Variants in MTMR4 observed in about 807,000 individuals in gnomAD.
MTMR4 encodes the protein myotubularin related protein 4.
Under a neutral mutation model 125.5 loss-of-function variants are expected in MTMR4, and 30 were observed. That is an observed-to-expected ratio of 0.24 (90% confidence interval 0.18 to 0.32). The LOEUF (loss-of-function observed/expected upper bound fraction) is 0.32, where lower values mean the gene tolerates loss of function less well. Ranked by LOEUF, MTMR4 falls within the 10% of genes least tolerant of loss-of-function variation. The pLI, the probability that MTMR4 is intolerant of heterozygous loss-of-function variation, is 1.00. For missense variants in MTMR4, 1,039 were observed against 1,511.5 expected (o/e 0.69, Z 5.18); for synonymous variants, 498 against 564.5 (o/e 0.88, Z 1.67).
At chr17:58,514,703 C>T, upstream of MTMR4, 1 of 977,688 alleles carries the variant, frequency 1.0e-6, no homozygotes, top group Non-Finnish European at 1.2e-6. Flanking sequence ...GGCGGCTCCG[C>T]GGGCCCCGCC....
In MTMR4 at chr17:58,492,824, A is replaced by G. The variant is rs1245898939; in HGVS notation, c.3363+18T>C. On this transcript the variant is annotated intron_variant, in intron 16 of 17. Transcript: ENST00000682306. ...ACTGGCTCACGTAAGTACCCACCAC[A>G]TATGTGCCTAAACATACCTCAGTCT... 6.2e-7 allele frequency: 1 copy of G among 1,603,290 alleles called. No homozygotes were observed. Among genetic ancestry groups the G allele is most frequent in the East Asian group, 2.2e-5 (1 of 44,822 alleles).
chr17:58,517,088 T>C (rs567860082), upstream of MTMR4, among the ~76,000 whole-genome samples: 2 of 152,328 alleles, frequency 1.3e-5, no homozygotes, highest in South Asian at 4.1e-4. Context: ...CCACCTGACC[T>C]GTTTACTGGG....
At chr17:58,501,687 C>T (rs923071259) in intron 14 of MTMR4, among the ~76,000 whole-genome samples, 7 of 150,826 alleles carry the variant, frequency 4.6e-5, no homozygotes, top group Admixed American at 2.6e-4. Context: ...TATATATACG[C>T]GTATATATGT....
At position 58,495,265 on chromosome 17, in the gene MTMR4, C is replaced by T. The variant is rs1459966935; in HGVS notation, c.2919G>A (p.Val973=). The change falls in exon 15 of 18, where the codon GTG becomes GTA. Residue 973 remains valine, a synonymous_variant. Transcript: ENST00000682306. The stretch of plus-strand genomic sequence containing the variant: ...AATGACTAGAACAGACAGGTGACTT[C>T]ACACCTTCTCTCTGAGCCCACTGGC... ...FGGQWAQREG[V]KSPVCSSHSN... is the part of the protein sequence containing the mutation. The T allele has an allele frequency of 1.2e-6, 2 of 1,614,072 alleles. No individual in the cohort carries two copies. Among genetic ancestry groups the T allele is most frequent in the Admixed American group, 3.3e-5 (2 of 60,010 alleles).
At chr17:58,515,761 C>T (rs1976071581), upstream of MTMR4, among the ~76,000 whole-genome samples, 2 of 152,130 alleles carry the variant, frequency 1.3e-5, no homozygotes, top group African/African-American at 4.8e-5. Flanking sequence ...AGTGCACACA[C>T]CAAATCCACA....
At chr17:58,515,311 G>A (rs1429703367), upstream of MTMR4, among the ~76,000 whole-genome samples, 4 of 152,214 alleles carry the variant, frequency 2.6e-5, no homozygotes, top group African/African-American at 7.2e-5. Flanking sequence ...GAGTTGGGTA[G>A]AGGGCCAAGG....
chr17:58,504,986 C>A lies in MTMR4; in HGVS notation c.1146-12G>T. 2 of 1,588,500 alleles carry A rather than the reference C, an allele frequency of 1.3e-6. No individual in the cohort carries two copies. The highest frequency in any genetic ancestry group is 8.6e-7 in the Non-Finnish European group (1 of 1,165,212). On this transcript the variant is annotated splice_polypyrimidine_tract_variant and intron_variant, in intron 10 of 17. Coordinates refer to ENST00000682306, the MANE Select transcript of MTMR4 (RefSeq NM_001378067.1). The surrounding 1 kb of genome is among the most constrained non-coding windows in gnomAD (Gnocchi z 7.1). ...GTGCCGACAACCAGCTACACAAAAGCAGACATCAAGTCGGTCACAAAGGGT... is the reference window on the plus strand; with the variant it reads ...GTGCCGACAACCAGCTACACAAAAGAAGACATCAAGTCGGTCACAAAGGGT...
Position 58,512,833 on chromosome 17 carries a change from G to A in MTMR4, c.135+19C>T. ...TGGGCAGGGAGCCCCATCTATCCTG[G>A]CCCCCAACTCCTCCTTACCTGAAGA... On this transcript the variant is annotated intron_variant, in intron 2 of 17. Coordinates refer to ENST00000682306, the MANE Select transcript of MTMR4 (RefSeq NM_001378067.1). The surrounding 1 kb of genome is among the most constrained non-coding windows in gnomAD (Gnocchi z 4.1). 1 of 1,602,206 alleles carries A rather than the reference G, an allele frequency of 6.2e-7. No homozygotes were observed. The highest frequency in any genetic ancestry group is 2.2e-5 in the East Asian group (1 of 44,774).
At chr17:58,516,552 A>G (rs1976089837), upstream of MTMR4, 2 of 1,613,728 alleles carry the variant, frequency 1.2e-6, no homozygotes, top group Non-Finnish European at 1.7e-6. Context: ...AGAAAACACA[A>G]TGGCCTGAGG....
In MTMR4 at chr17:58,512,703, T is replaced by C. The variant is rs149057509; in HGVS notation, c.135+149A>G. The C allele has an allele frequency of 1.1e-4, 85 of 783,974 alleles. No homozygotes were observed. In the Middle Eastern group the frequency reaches 1.8e-3, roughly 17 times the overall value. The allele number at this position is 783,974 out of a possible 1,614,324, so 48.6% of individuals were successfully genotyped here. A position where few individuals can be genotyped will look rare whatever the true frequency, so the allele number is the denominator to read the frequency against. On this transcript the variant is annotated intron_variant, in intron 2 of 17. Coordinates refer to ENST00000682306, the MANE Select transcript of MTMR4 (RefSeq NM_001378067.1). This position sits in a 1 kb window ranked among gnomAD's most constrained non-coding sequence, Gnocchi z 4.1. The stretch of plus-strand genomic sequence containing the variant: ...TTCCCTGCGGCCAAAGGCTCCAGGA[T>C]GCGCAGACAAACCCTCCTCCTCCAG...
Position 58,512,803 on chromosome 17 carries a change from T to C in MTMR4, c.135+49A>G, listed in dbSNP as rs201086608. 3.5e-5 allele frequency: 53 copies of C among 1,529,662 alleles called. No individual in the cohort carries two copies. The highest frequency in any genetic ancestry group is 4.7e-5 in the Non-Finnish European group (52 of 1,108,854). 94.8% of individuals were successfully genotyped at this position (1,529,662 alleles called of 1,614,324 possible). Reference sequence around the variant, plus strand: ...TTTTTGGGAGAAGGGAGGGTGTTTTTTAACTGGGCAGGGAGCCCCATCTAT... The same window carrying C: ...TTTTTGGGAGAAGGGAGGGTGTTTTCTAACTGGGCAGGGAGCCCCATCTAT... On this transcript the variant is annotated intron_variant, in intron 2 of 17. Transcript: ENST00000682306. The surrounding 1 kb of genome is among the most constrained non-coding windows in gnomAD (Gnocchi z 4.1).
At position 58,495,134 on chromosome 17, in the gene MTMR4, G is replaced by A; in HGVS notation, c.3050C>T (p.Pro1017Leu). 1 of 1,614,248 alleles carries A rather than the reference G, an allele frequency of 6.2e-7. No homozygotes were observed. Among genetic ancestry groups the A allele is most frequent in the Non-Finnish European group, 8.5e-7 (1 of 1,180,044 alleles). ...ATCATCCAAATACAGAGGAGGCACT[G>A]GAGAAGGGCAGTTCAGTGGAACGGG... Reference protein sequence around the residue: ...TKPVPLNCPSPVPPLYLDDDG... With the variant: ...TKPVPLNCPSLVPPLYLDDDG... The change falls in exon 15 of 18, where the codon CCA (proline) becomes CTA (leucine). Residue 1017 changes from proline to leucine, a missense_variant. Pro to Leu is a moderately conservative substitution (Grantham distance 98). Coordinates refer to ENST00000682306, the MANE Select transcript of MTMR4 (RefSeq NM_001378067.1).
rs1455376420 is a variant in MTMR4 at position 58,496,275 on chromosome 17, G to A, written c.1909C>T (p.Pro637Ser). 1 of 1,613,496 alleles carries A rather than the reference G, an allele frequency of 6.2e-7. No individual in the cohort carries two copies. The highest frequency in any genetic ancestry group is 8.5e-7 in the Non-Finnish European group (1 of 1,179,772). ...GGGTCACTGGATGTACGAGTCAGGG[G>A]GCTGCTTGTGTCACAGGCAGAAAGA... ...DLLSACDTSSPLTRTSSDPNL... is the reference protein window; with the variant it reads ...DLLSACDTSSSLTRTSSDPNL... Residue 637 changes from proline (P) to serine (S), a missense_variant, in exon 15 of 18, where the codon CCC (proline) becomes TCC (serine). Pro to Ser is a moderately conservative substitution (Grantham distance 74). Transcript: ENST00000682306.
At chr17:58,514,931 G>T, upstream of MTMR4, 1 of 868,624 alleles carries the variant, frequency 1.2e-6, no homozygotes, top group Non-Finnish European at 1.4e-6. Context: ...GGATCCCAAG[G>T]TGGAGCTCAC....
chr17:58,513,005 C>G, intron 1 of MTMR4, 64 bp from the exon 2 acceptor site: 1 of 1,170,288 alleles, frequency 8.5e-7, no homozygotes, highest in South Asian at 1.3e-5. Flanking sequence ...CATTCTGCTC[C>G]TCTCCCCACC....
At chr17:58,514,694 G>A (rs1487375809), upstream of MTMR4, 3 of 982,488 alleles carry the variant, frequency 3.1e-6, no homozygotes, top group Non-Finnish European at 3.6e-6. Context: ...TAGAGGCGGG[G>A]CGGCTCCGCG....
rs1466674534 is a variant in MTMR4 at position 58,496,219 on chromosome 17, C to G, written c.1965G>C (p.Arg655Ser). The change falls in exon 15 of 18, where the codon AGG becomes AGC. Residue 655 changes from arginine to serine, a missense_variant. This residue lies in a region of MTMR4 where 619 missense variants were observed against 714.5 expected (regional missense o/e 0.87). Transcript: ENST00000682306. The part of the protein sequence containing the change: ...PNLNNHCQEV[R>S]VGLEPWHSNP... ...TGCTGTGCCAGGGCTCCAGGCCTACCCTGACCTCCTGACAGTGGTTATTCA... is the reference window on the plus strand; with the variant it reads ...TGCTGTGCCAGGGCTCCAGGCCTACGCTGACCTCCTGACAGTGGTTATTCA... 2.5e-6 allele frequency: 4 copies of G among 1,614,002 alleles called. No homozygotes were observed. Among genetic ancestry groups the G allele is most frequent in the Non-Finnish European group, 3.4e-6 (4 of 1,180,046 alleles).
intron 9 of MTMR4, among the ~76,000 whole-genome samples, chr17:58,506,447 C>T (rs1975780866): frequency 6.6e-6 from 1 of 152,222 alleles, no homozygotes; most frequent in African/African-American, 2.4e-5. Context: ...CCTCTGCCTC[C>T]CAAAGTACTG....
chr17:58,516,684 G>A, upstream of MTMR4: 1 of 1,366,414 alleles, frequency 7.3e-7, no homozygotes, highest in Non-Finnish European at 1.0e-6. Flanking sequence ...ATCAACAAAT[G>A]ACACACATCT....
Sources: allele counts gnomAD v4.1 joint callset (sites outside exome capture counted in the v4.1 genomes callset), GRCh38; gene constraint gnomAD v4.1.1; regional missense constraint gnomAD v4.1.1; non-coding constraint Gnocchi (gnomAD v3.1); transcripts MANE v1.5; gene names NCBI Gene and HGNC (gene_info 2026-07-23, HGNC 2026-07-21).